Variants in GRIN2A observed in about 807,000 individuals in gnomAD.
The protein encoded by GRIN2A is glutamate ionotropic receptor NMDA type subunit 2A.
GRIN2A carries 22 observed loss-of-function variants against 113.4 expected under a neutral mutation model. The ratio of observed to expected loss-of-function variants is 0.19; its 90% CI spans 0.14 to 0.28. GRIN2A has a LOEUF of 0.28. Ranked by LOEUF, GRIN2A falls within the 10% of genes least tolerant of loss-of-function variation. The probability of loss-of-function intolerance (pLI) is 1.00; values close to 1 mark genes in which losing one functional copy is unlikely to be tolerated. For missense variants in GRIN2A, 1,502 were observed against 1,887.0 expected, an observed-to-expected ratio of 0.80 and a Z score of 3.78; for synonymous variants, 827 against 738.4, an observed-to-expected ratio of 1.12 and a Z score of -1.94.
intron 2 of GRIN2A, among the ~76,000 whole-genome samples, chr16:9,960,019 T>A (rs1217627404): frequency 6.6e-6 from 1 of 151,986 alleles, no homozygotes; most frequent in Non-Finnish European, 1.5e-5. Flanking sequence ...ACCTAGAAAC[T>A]CACTGAAACC....
At position 9,914,685 on chromosome 16, in the gene GRIN2A, C is replaced by A. The variant is rs1025311619; in HGVS notation, c.1007+23274G>T. On this transcript the variant is annotated intron_variant, in intron 3 of 12. Transcript: ENST00000330684. Reference sequence around the variant, plus strand: ...ACGTAAGGGGCTCCCAGACCCAAAGCTGAGGAAGACGACAGTGAATTGAAA... The same window carrying A: ...ACGTAAGGGGCTCCCAGACCCAAAGATGAGGAAGACGACAGTGAATTGAAA... 2.0e-5 allele frequency among the ~76,000 whole-genome samples: 3 copies of A among 152,084 alleles called. No individual in the cohort carries two copies. In the South Asian group the frequency reaches 6.2e-4, roughly 32 times the overall value.
chr16:10,124,670 C>CCATT (rs746508985), intron 2 of GRIN2A, among the ~76,000 whole-genome samples: 37 of 152,210 alleles, frequency 2.4e-4, no homozygotes, highest in Non-Finnish European at 5.3e-4. Context: ...AGAGAGCTAT[C>CCATT]CATTCATTCA....
rs190917231 is a variant in GRIN2A at position 9,879,521 on chromosome 16, C to T, written c.1122+11465G>A. 8.0e-4 allele frequency among the ~76,000 whole-genome samples: 122 copies of T among 152,298 alleles called. 1 individual carries two copies. The highest frequency in any genetic ancestry group is 7.9e-3 in the South Asian group (38 of 4,820). ...TTTCTGAAATTTCTCTCAGATTCCG[C>T]GGCCACTATTCCTCCCCATACCTCT... On this transcript the variant is annotated intron_variant, in intron 4 of 12. Coordinates refer to ENST00000330684, the MANE Select transcript of GRIN2A (RefSeq NM_001134407.3).
intron 2 of GRIN2A, among the ~76,000 whole-genome samples, chr16:10,151,835 TG>T (rs1166595393): frequency 1.3e-5 from 2 of 152,188 alleles, no homozygotes; most frequent in African/African-American, 4.8e-5. Context: ...CGAAAGAATC[TG>T]AGTCACCAAA....
rs1396703206 is a variant in GRIN2A at position 9,757,002 on chromosome 16, A to T, written c.*6147T>A. The T allele has an allele frequency of 2.0e-5, 4 of 196,654 alleles. No individual in the cohort carries two copies. The highest frequency in any genetic ancestry group is 9.2e-5 in the African/African-American group (4 of 43,486). 12.2% of individuals were successfully genotyped at this position (196,654 alleles called of 1,614,324 possible). A position where few individuals can be genotyped will look rare whatever the true frequency, so the allele number is the denominator to read the frequency against. Reference sequence around the variant, plus strand: ...CCCTGATACATTCATACCCTGGTGTATCAGAAGGGTTCTTCAAATGTCAAA... The same window carrying T: ...CCCTGATACATTCATACCCTGGTGTTTCAGAAGGGTTCTTCAAATGTCAAA... On this transcript the variant is annotated 3_prime_UTR_variant, in exon 13 of 13. Transcript: ENST00000330684.
chr16:10,049,945 T>C (rs2047329180), intron 2 of GRIN2A, among the ~76,000 whole-genome samples: 1 of 152,208 alleles, frequency 6.6e-6, no homozygotes, highest in African/African-American at 2.4e-5. Context: ...GCCACTGTTA[T>C]CATCACTCCC....
intron 2 of GRIN2A, among the ~76,000 whole-genome samples, chr16:10,054,583 G>C (rs1015044421): frequency 6.6e-6 from 1 of 152,186 alleles, no homozygotes; most frequent in Non-Finnish European, 1.5e-5. Context: ...GTGCAAAGAT[G>C]TTCTGTGTTT....
chr16:9,851,092 C>T (rs1310122392), intron 4 of GRIN2A, among the ~76,000 whole-genome samples: 1 of 152,088 alleles, frequency 6.6e-6, no homozygotes, highest in Non-Finnish European at 1.5e-5. Flanking sequence ...TTAAGTGTCA[C>T]CAGAAATGAA....
intron 2 of GRIN2A, among the ~76,000 whole-genome samples, chr16:10,085,991 G>A (rs2048079168): frequency 6.6e-6 from 1 of 152,132 alleles, no homozygotes; most frequent in South Asian, 2.1e-4. Flanking sequence ...TGTAATGCCT[G>A]GGGCCATATT....
chr16:10,060,077 C>CTA (rs1355615782), intron 2 of GRIN2A, among the ~76,000 whole-genome samples: 1 of 152,094 alleles, frequency 6.6e-6, no homozygotes, highest in Non-Finnish European at 1.5e-5. Flanking sequence ...CTGGAGGCTG[C>CTA]CCATCAAGAG....
chr16:9,982,194 C>T (rs993248954), intron 2 of GRIN2A, among the ~76,000 whole-genome samples: 1 of 152,118 alleles, frequency 6.6e-6, no homozygotes, highest in Admixed American at 6.6e-5. Context: ...GATGACATGC[C>T]CATGATGTCA....
intron 3 of GRIN2A, among the ~76,000 whole-genome samples, chr16:9,905,769 C>T (rs1438785498): frequency 6.6e-6 from 1 of 152,100 alleles, no homozygotes; most frequent in Non-Finnish European, 1.5e-5. Context: ...AGGGGTGCAC[C>T]TGTCCCATGG....
At chr16:9,785,636 G>T (rs959855450) in intron 11 of GRIN2A, among the ~76,000 whole-genome samples, 4 of 151,696 alleles carry the variant, frequency 2.6e-5, no homozygotes, top group African/African-American at 9.7e-5. Flanking sequence ...CCTGCTTTAA[G>T]AATTTTCACT....
intron 2 of GRIN2A, among the ~76,000 whole-genome samples, chr16:10,090,482 T>C (rs912492059): frequency 6.6e-6 from 1 of 152,144 alleles, no homozygotes; most frequent in Non-Finnish European, 1.5e-5. Flanking sequence ...GATATCAATA[T>C]GTGAAAAAGT....
At chr16:10,006,415 C>T (rs1363189592) in intron 2 of GRIN2A, among the ~76,000 whole-genome samples, 1 of 152,184 alleles carries the variant, frequency 6.6e-6, no homozygotes, top group Non-Finnish European at 1.5e-5. Context: ...CAAGGAGGAT[C>T]TATCACTCCT....
At chr16:9,876,993 G>A (rs1306678328) in intron 4 of GRIN2A, among the ~76,000 whole-genome samples, 2 of 152,168 alleles carry the variant, frequency 1.3e-5, no homozygotes, top group African/African-American at 4.8e-5. Context: ...TTCCAAGGCA[G>A]ATACCATCCC....
At chr16:10,146,679 A>G (rs545294169) in intron 2 of GRIN2A, among the ~76,000 whole-genome samples, 1 of 152,202 alleles carries the variant, frequency 6.6e-6, no homozygotes, top group East Asian at 1.9e-4. Flanking sequence ...GTCTCTGGCA[A>G]GAGGTGAAAG....
chr16:9,769,206 T>C, intron 11 of GRIN2A, 117 bp from the exon 12 acceptor site: 1 of 807,180 alleles, frequency 1.2e-6, no homozygotes, highest in South Asian at 1.4e-5. Context: ...TTAAGACAAG[T>C]TTCTGAGTTT....
chr16:10,008,783 C>G (rs2046451050), intron 2 of GRIN2A, among the ~76,000 whole-genome samples: 1 of 152,118 alleles, frequency 6.6e-6, no homozygotes, highest in Admixed American at 6.5e-5. Context: ...ACATTCCATG[C>G]AACTGTTAGA....
Sources: allele counts gnomAD v4.1 joint callset (sites outside exome capture counted in the v4.1 genomes callset), GRCh38; gene constraint gnomAD v4.1.1; transcripts MANE v1.5; gene names NCBI Gene and HGNC (gene_info 2026-07-23, HGNC 2026-07-21).